GRID2: variants seen among roughly 807,000 people sequenced by gnomAD.
GRID2 encodes the protein glutamate receptor ionotropic, delta-2.
A neutral mutation model predicts 114.8 loss-of-function variants in GRID2; 33 were observed. That is an observed-to-expected ratio of 0.29 (90% CI 0.22 to 0.38). GRID2 has a LOEUF of 0.38. Among genes scored for constraint, GRID2 ranks in the 10% least tolerant of loss-of-function variants. The pLI, the probability that GRID2 is intolerant of heterozygous loss-of-function variation, is 1.00. For missense variants in GRID2, 1,184 were observed against 1,257.7 expected (o/e 0.94, Z 0.89); for synonymous variants, 505 against 449.9 (o/e 1.12, Z -1.55).
chr4:92,980,776 C>G (rs1352337308), intron 2 of GRID2, among the ~76,000 whole-genome samples: 2 of 151,992 alleles, frequency 1.3e-5, no homozygotes. Flanking sequence ...CATTGAAACT[C>G]ATTTCAAACA....
At chr4:92,694,577 T>C (rs1734339599) in intron 2 of GRID2, among the ~76,000 whole-genome samples, 1 of 152,156 alleles carries the variant, frequency 6.6e-6, no homozygotes, top group Non-Finnish European at 1.5e-5. Flanking sequence ...TTTGTAAATT[T>C]TTTGAAGGGT....
At chr4:92,422,803 A>C (rs1209599187) in intron 1 of GRID2, among the ~76,000 whole-genome samples, 2 of 152,158 alleles carry the variant, frequency 1.3e-5, no homozygotes, top group Non-Finnish European at 2.9e-5. Flanking sequence ...AGTCCCGCAA[A>C]AGCAGTCTAG....
At chr4:92,698,869 G>A (rs1170105306) in intron 2 of GRID2, among the ~76,000 whole-genome samples, 1 of 152,024 alleles carries the variant, frequency 6.6e-6, no homozygotes, top group Non-Finnish European at 1.5e-5. Context: ...ACGCAAAATT[G>A]CATTAACAAA....
chr4:92,827,737 T>C (rs546742917), intron 2 of GRID2, among the ~76,000 whole-genome samples: 1 of 152,182 alleles, frequency 6.6e-6, no homozygotes, highest in East Asian at 1.9e-4. Context: ...AATTAATGAA[T>C]GAATGATATA....
intron 2 of GRID2, among the ~76,000 whole-genome samples, chr4:92,730,907 G>A (rs185368413): frequency 1.3e-5 from 2 of 152,012 alleles, no homozygotes; most frequent in East Asian, 3.9e-4. Flanking sequence ...AAAAAGGTGG[G>A]TTTGAATACT....
At chr4:92,613,572 A>T (rs1729857429) in intron 2 of GRID2, among the ~76,000 whole-genome samples, 1 of 151,354 alleles carries the variant, frequency 6.6e-6, no homozygotes, top group Admixed American at 6.6e-5. Context: ...GCATTATTCA[A>T]TTATTTACTT....
At chr4:92,884,757 A>T in intron 2 of GRID2, 1 of 289,186 alleles carries the variant, frequency 3.5e-6, no homozygotes, top group Non-Finnish European at 7.1e-6. Flanking sequence ...GGACTAATGG[A>T]ATTGAGTGGA....
intron 2 of GRID2, among the ~76,000 whole-genome samples, chr4:92,815,667 C>T (rs1388802620): frequency 4.0e-5 from 6 of 151,742 alleles, no homozygotes; most frequent in Non-Finnish European, 7.4e-5. Context: ...AATCTCAATA[C>T]TTTGGGAGGC....
intron 2 of GRID2, among the ~76,000 whole-genome samples, chr4:92,919,819 G>T (rs551657528): frequency 6.6e-6 from 1 of 152,302 alleles, no homozygotes; most frequent in Admixed American, 6.5e-5. Context: ...TGAGAAGAAT[G>T]TATATTCTGT....
intron 1 of GRID2, among the ~76,000 whole-genome samples, chr4:92,398,315 G>T (rs1412360053): frequency 6.6e-6 from 1 of 152,002 alleles, no homozygotes; most frequent in East Asian, 1.9e-4. Context: ...ATTAATTTGA[G>T]ACAGGAATTA....
intron 1 of GRID2, among the ~76,000 whole-genome samples, chr4:92,323,813 G>A (rs1264874410): frequency 1.3e-5 from 2 of 151,966 alleles, no homozygotes; most frequent in African/African-American, 4.8e-5. Flanking sequence ...ATTGTCCAGA[G>A]CCTAGGACCC....
chr4:92,765,111 T>C (rs1395125238), intron 2 of GRID2, among the ~76,000 whole-genome samples: 2 of 152,236 alleles, frequency 1.3e-5, no homozygotes, highest in East Asian at 3.8e-4. Flanking sequence ...TTGGGAAATA[T>C]ATGGAATGTC....
chr4:93,308,160 T>C (rs1480600529), intron 8 of GRID2, among the ~76,000 whole-genome samples: 1 of 152,206 alleles, frequency 6.6e-6, no homozygotes, highest in Admixed American at 6.5e-5. Flanking sequence ...GCTCCTATGA[T>C]TGGAGGGAAT....
intron 14 of GRID2, among the ~76,000 whole-genome samples, chr4:93,674,536 T>C (rs1242606564): frequency 1.3e-5 from 2 of 152,152 alleles, no homozygotes; most frequent in Non-Finnish European, 2.9e-5. Flanking sequence ...TTCCCTGTTT[T>C]GATTTAAATT....
chr4:93,562,662 G>A (rs1026330234), intron 13 of GRID2, among the ~76,000 whole-genome samples: 1 of 152,010 alleles, frequency 6.6e-6, no homozygotes, highest in Non-Finnish European at 1.5e-5. Flanking sequence ...CTTTTATAGT[G>A]TGTGTTTTGC....
rs566179389 is a variant in GRID2, at chr4:92,823,995, A to G, written c.244+233709A>G. On this transcript the variant is annotated intron_variant, in intron 2 of 15. Coordinates refer to ENST00000282020, the MANE Select transcript of GRID2 (RefSeq NM_001510.4). Reference sequence around the variant, plus strand: ...GGGATGGTGTCTATGGGGTTGCCTAATAACTAATATTATGGATAATATCTA... The same window carrying G: ...GGGATGGTGTCTATGGGGTTGCCTAGTAACTAATATTATGGATAATATCTA... 3.9e-5 allele frequency among the ~76,000 whole-genome samples: 6 copies of G among 152,256 alleles called. No homozygotes were observed. In the East Asian group the frequency reaches 1.2e-3, roughly 30 times the overall value.
chr4:93,536,208 A>G (rs141837677), intron 13 of GRID2, among the ~76,000 whole-genome samples: 9 of 151,990 alleles, frequency 5.9e-5, no homozygotes, highest in African/African-American at 2.2e-4. Context: ...GAACAATCCT[A>G]AAATGCAAAT....
At chr4:92,570,981 A>G (rs192192022) in intron 1 of GRID2, among the ~76,000 whole-genome samples, 97 of 152,080 alleles carry the variant, frequency 6.4e-4, no homozygotes, top group African/African-American at 2.2e-3. Context: ...TTCCAATACT[A>G]TGTTGAATAG....
rs139717152 is a variant in GRID2 at position 93,475,919 on chromosome 4, C to T, written c.1859-14720C>T. 2.0e-5 allele frequency among the ~76,000 whole-genome samples: 3 copies of T among 152,202 alleles called. No individual in the cohort carries two copies. In the East Asian group the frequency reaches 5.8e-4, roughly 29 times the overall value. ...ATCACTACAGAGTGGCAGGTTCTGACTCAACTGCAGTCTTGCTTCATGCTG... is the reference window on the plus strand; with the variant it reads ...ATCACTACAGAGTGGCAGGTTCTGATTCAACTGCAGTCTTGCTTCATGCTG... On this transcript the variant is annotated intron_variant, in intron 11 of 15. Transcript: ENST00000282020.
Sources: allele counts gnomAD v4.1 joint callset (sites outside exome capture counted in the v4.1 genomes callset), GRCh38; gene constraint gnomAD v4.1.1; transcripts MANE v1.5; gene names NCBI Gene and HGNC (gene_info 2026-07-23, HGNC 2026-07-21).